DTNB: variants seen among roughly 807,000 people sequenced by gnomAD.
DTNB encodes dystrobrevin beta, also known as DTN-B.
DTNB carries 63 observed loss-of-function variants against 90.7 expected under a neutral mutation model. The observed-to-expected ratio is 0.69, with a 90% CI of 0.57 to 0.86. The LOEUF is 0.86. Ranked by LOEUF, DTNB falls within the 40% of genes least tolerant of loss-of-function variation. DTNB has a pLI of 0.00. For missense variants in DTNB, 744 were observed against 807.1 expected (o/e 0.92, Z 0.95); for synonymous variants, 277 against 286.7 (o/e 0.97, Z 0.34).
rs375407461 is a variant in DTNB at position 25,379,286 on chromosome 2, T to A, written c.*29+4A>T. On this transcript the variant is annotated splice_donor_region_variant and intron_variant, in intron 20 of 20. Transcript: ENST00000406818. ...TGGGGAGGCAGAGGACTCTTTGTAC[T>A]CACCTGAGCTTCCTCTGTGTCCGGC... The A allele has an allele frequency of 1.4e-5, 19 of 1,327,662 alleles. No homozygotes were observed. The African/African-American group carries it at 2.6e-4, about 18-fold the overall frequency. The allele number at this position is 1,327,662 out of a possible 1,614,324, so 82.2% of individuals were successfully genotyped here.
chr2:25,547,935 G>A (rs1309761088), intron 8 of DTNB, among the ~76,000 whole-genome samples: 1 of 152,018 alleles, frequency 6.6e-6, no homozygotes, highest in Non-Finnish European at 1.5e-5. Flanking sequence ...TAGGTCTTCC[G>A]ATTTATCAGC....
intron 10 of DTNB, among the ~76,000 whole-genome samples, chr2:25,457,429 C>T (rs556913783): frequency 7.4e-4 from 113 of 152,146 alleles, no homozygotes; most frequent in African/African-American, 2.6e-3. Flanking sequence ...TGCTAGGGTG[C>T]CCACTGTTCT....
intron 1 of DTNB, among the ~76,000 whole-genome samples, chr2:25,669,080 T>C (rs2085200987): frequency 6.6e-6 from 1 of 152,104 alleles, no homozygotes; most frequent in Non-Finnish European, 1.5e-5. Flanking sequence ...GTCGAATTCA[T>C]AGAGACAGAA....
At chr2:25,647,834 CAA>C (rs562898923) in intron 2 of DTNB, among the ~76,000 whole-genome samples, 3 of 132,836 alleles carry the variant, frequency 2.3e-5, no homozygotes, top group Admixed American at 7.5e-5. Flanking sequence ...ACTTGGGATG[CAA>C]AAAAAAAAAT....
At position 25,434,020 on chromosome 2, in the gene DTNB, GT is replaced by G. The variant is rs11451153; in HGVS notation, c.1258-26del. 1,002 of 1,351,744 alleles carry G rather than the reference GT, an allele frequency of 7.4e-4. 4 individuals carry two copies. The highest frequency in any genetic ancestry group is 1.1e-3 in the South Asian group (81 of 73,802). 83.7% of individuals were successfully genotyped at this position (1,351,744 alleles called of 1,614,324 possible). On this transcript the variant is annotated intron_variant, in intron 12 of 20. Transcript: ENST00000406818. ...TCTAAAGTGGGGAAGTCGGGAGAAA[GT>G]TTTTTTTTTTCTGATCCAAATATAC...
chr2:25,571,304 T>C (rs1316775767), intron 8 of DTNB, among the ~76,000 whole-genome samples: 2 of 152,240 alleles, frequency 1.3e-5, no homozygotes, highest in African/African-American at 2.4e-5. Flanking sequence ...GTCTACTCTT[T>C]ACATGGCATC....
intron 16 of DTNB, among the ~76,000 whole-genome samples, chr2:25,390,867 G>A (rs1221504587): frequency 6.6e-6 from 1 of 151,394 alleles, no homozygotes; most frequent in Non-Finnish European, 1.5e-5. Context: ...ATAGGGGGAA[G>A]GCTTTATAAT....
chr2:25,415,387 C>T (rs993676320), intron 16 of DTNB, among the ~76,000 whole-genome samples: 10 of 151,408 alleles, frequency 6.6e-5, no homozygotes, highest in African/African-American at 9.8e-5. Context: ...GCTGGGACTA[C>T]GGGTGCATGC....
chr2:25,456,754 A>C (rs999591701), intron 10 of DTNB, among the ~76,000 whole-genome samples: 1 of 151,638 alleles, frequency 6.6e-6, no homozygotes, highest in African/African-American at 2.4e-5. Context: ...TTTAGTAGAG[A>C]CGGGTTTTCG....
intron 4 of DTNB, among the ~76,000 whole-genome samples, chr2:25,620,046 A>T (rs2072058003): frequency 6.6e-6 from 1 of 152,120 alleles, no homozygotes. Flanking sequence ...TCTCAAAAAA[A>T]ATAATAAAAA....
chr2:25,470,369 ATTTT>A (rs71397496), intron 10 of DTNB, among the ~76,000 whole-genome samples: 1 of 132,774 alleles, frequency 7.5e-6, no homozygotes, highest in Non-Finnish European at 1.6e-5. Flanking sequence ...TTACACGACA[ATTTT>A]TTTTTTTTTT....
intron 10 of DTNB, among the ~76,000 whole-genome samples, chr2:25,473,687 C>T (rs2063232042): frequency 2.0e-5 from 3 of 152,200 alleles, no homozygotes; most frequent in Admixed American, 6.5e-5. Context: ...ATGACAAAAA[C>T]GATGGTCTGG....
chr2:25,635,882 C>T lies in DTNB; in HGVS notation c.148+3132G>A, dbSNP rs186038532. 1.0e-3 allele frequency among the ~76,000 whole-genome samples: 158 copies of T among 152,280 alleles called. 1 individual carries two copies. The highest frequency in any genetic ancestry group is 3.7e-3 in the African/African-American group (153 of 41,570). On this transcript the variant is annotated intron_variant, in intron 3 of 20. Transcript: ENST00000406818. ...TAAATTCTAATAGTGGTTACTGCTA[C>T]AAGAAAGTGCAGTATTAGAACAGTC...
At position 25,432,067 on chromosome 2, in the gene DTNB, A is replaced by G. The variant is rs575881266; in HGVS notation, c.1457+819T>C. The stretch of plus-strand genomic sequence containing the variant: ...TCTCCATTCTCTGGGAAAAGAAACA[A>G]GAGGCTACACAGAATCCTAGATGAT... On this transcript the variant is annotated intron_variant, in intron 14 of 20. Coordinates refer to ENST00000406818, the MANE Select transcript of DTNB (RefSeq NM_021907.5). Among the ~76,000 whole-genome samples the G allele has an allele frequency of 1.4e-3, 213 of 152,308 alleles. 1 individual carries two copies. Among genetic ancestry groups the G allele is most frequent in the African/African-American group, 4.7e-3 (196 of 41,566 alleles).
Position 25,486,201 on chromosome 2 carries a change from G to A in DTNB, c.1002-3328C>T, listed in dbSNP as rs868449990. On this transcript the variant is annotated intron_variant, in intron 9 of 20. Coordinates refer to ENST00000406818, the MANE Select transcript of DTNB (RefSeq NM_021907.5). ...CTGCTGGCTGGGCACAGTGGCTCACGTCTATAAAACTAGCACTTTGGGAGG... is the reference window on the plus strand; with the variant it reads ...CTGCTGGCTGGGCACAGTGGCTCACATCTATAAAACTAGCACTTTGGGAGG... Among the ~76,000 whole-genome samples the A allele has an allele frequency of 4.6e-5, 7 of 151,998 alleles. No homozygotes were observed. In the South Asian group the frequency reaches 6.2e-4, roughly 14 times the overall value.
intron 16 of DTNB, among the ~76,000 whole-genome samples, chr2:25,404,265 G>A (rs2149672582): frequency 6.6e-6 from 1 of 152,298 alleles, no homozygotes; most frequent in East Asian, 1.9e-4. Context: ...GAGAAACAGA[G>A]GAAAAGCAGC....
intron 10 of DTNB, among the ~76,000 whole-genome samples, chr2:25,468,114 T>C (rs949728310): frequency 6.6e-6 from 1 of 152,130 alleles, no homozygotes. Context: ...TTTAGTTGGA[T>C]GTTAGGAACT....
chr2:25,628,474 A>C, intron 3 of DTNB, 90 bp from the exon 4 acceptor site: 1 of 1,226,728 alleles, frequency 8.2e-7, no homozygotes, highest in Non-Finnish European at 1.1e-6. Flanking sequence ...ACTAGTTCTT[A>C]AGTTTAAAGA....
chr2:25,451,578 A>C lies in DTNB; in HGVS notation c.1227T>G (p.Ala409=). The C allele has an allele frequency of 6.2e-7, 1 of 1,609,324 alleles. No homozygotes were observed. The highest frequency in any genetic ancestry group is 8.5e-7 in the Non-Finnish European group (1 of 1,177,856). The part of the protein sequence containing the change: ...DEEHRLIARY[A]ARLAAEAGNV... Reference sequence around the variant, plus strand: ...TTCCTGCTTCTGCAGCCAGCCGGGCAGCATAGCGAGCTATAAGACGGTGTT... The same window carrying C: ...TTCCTGCTTCTGCAGCCAGCCGGGCCGCATAGCGAGCTATAAGACGGTGTT... The change falls in exon 12 of 21, where the codon GCT becomes GCG. Residue 409 remains alanine, a synonymous_variant. Coordinates refer to ENST00000406818, the MANE Select transcript of DTNB (RefSeq NM_021907.5).
Sources: gnomAD v4.1 joint callset for allele counts (sites outside exome capture counted in the v4.1 genomes callset) on GRCh38, gnomAD v4.1.1 for gene constraint, MANE v1.5 for transcripts, NCBI Gene and HGNC (gene_info 2026-07-23, HGNC 2026-07-21) for gene names.